Variants in NKD1 observed in about 807,000 individuals in gnomAD.
NKD1 encodes the protein protein naked cuticle homolog 1.
Under a neutral mutation model 56.0 loss-of-function variants are expected in NKD1, and 21 were observed. The ratio of observed to expected loss-of-function variants is 0.38; its 90% CI spans 0.27 to 0.54. The LOEUF (loss-of-function observed/expected upper bound fraction) is 0.54, where lower values mean the gene tolerates loss of function less well. Ranked by LOEUF, NKD1 falls within the 20% of genes least tolerant of loss-of-function variation. The pLI is 0.82. For missense variants in NKD1, 578 were observed against 642.7 expected, an observed-to-expected ratio of 0.90 and a Z score of 1.09; for synonymous variants, 263 against 265.7, an observed-to-expected ratio of 0.99 and a Z score of 0.10.
chr16:50,549,322 G>T lies in NKD1; in HGVS notation c.59-100G>T, dbSNP rs186343603. The T allele has an allele frequency of 5.3e-4, 777 of 1,463,082 alleles. 5 individuals are homozygous for T. In the African/African-American group the frequency reaches 9.2e-3, roughly 17 times the overall value. The allele number at this position is 1,463,082 out of a possible 1,614,324, so 90.6% of individuals were successfully genotyped here. On this transcript the variant is annotated intron_variant, in intron 2 of 9. Coordinates refer to ENST00000268459, the MANE Select transcript of NKD1 (RefSeq NM_033119.5). ...CGAACCCCCTCCTGGCCCCCGTGCC[G>T]TGGTCCTTCGCCTCCCACCGCGCCT...
intron 6 of NKD1, 87 bp downstream of exon 6, chr16:50,625,667 C>A: frequency 1.2e-6 from 1 of 827,530 alleles, no homozygotes; most frequent in Non-Finnish European, 2.0e-6. Flanking sequence ...CCACTTCTCT[C>A]CCCTGCATCG....
At chr16:50,614,178 G>T (rs1262056705) in intron 4 of NKD1, among the ~76,000 whole-genome samples, 1 of 152,194 alleles carries the variant, frequency 6.6e-6, no homozygotes, top group East Asian at 1.9e-4. Flanking sequence ...TGTGGTGCTG[G>T]TGCTGGTGGT....
chr16:50,629,129 CTATTTTT>C (rs1306844712), intron 6 of NKD1, among the ~76,000 whole-genome samples: 9 of 151,922 alleles, frequency 5.9e-5, no homozygotes, highest in Non-Finnish European at 1.2e-4. Flanking sequence ...CCACACATGG[CTATTTTT>C]TATTTTTTAT....
In NKD1 at chr16:50,636,055, T is replaced by C. The variant is rs1962459393; in HGVS notation, c.*2274T>C. 1 of 152,188 alleles carries C rather than the reference T, an allele frequency of 6.6e-6. No homozygotes were observed. Among genetic ancestry groups the C allele is most frequent in the South Asian group, 2.1e-4 (1 of 4,834 alleles). The allele number at this position is 152,188 out of a possible 1,614,324, so 9.4% of individuals were successfully genotyped here. A position where few individuals can be genotyped will look rare whatever the true frequency, so the allele number is the denominator to read the frequency against. On this transcript the variant is annotated 3_prime_UTR_variant, in exon 10 of 10. Coordinates refer to ENST00000268459, the MANE Select transcript of NKD1 (RefSeq NM_033119.5). ...CCCCTAACCATAAGAAAAAGGACCT[T>C]CCGTTAGTGTAAAGCCCAAGGCAGG...
chr16:50,562,980 ACCACCACCC>A (rs1387232594), intron 3 of NKD1, among the ~76,000 whole-genome samples: 912 of 56,380 alleles, frequency 0.016, 114 homozygotes, highest in African/African-American at 0.083. Flanking sequence ...GCTAGGTCCC[ACCACCACCC>A]CCCCCCCCCG....
At position 50,628,686 on chromosome 16, in the gene NKD1, AG is replaced by A. The variant is rs1962276452; in HGVS notation, c.463-1498del. Reference sequence around the variant, plus strand: ...CCCTGTTCTGGTTGAGGGGTACCTGAGGCTCGGAGAGGAGATGAGATTTGGT... The same window carrying A: ...CCCTGTTCTGGTTGAGGGGTACCTGAGCTCGGAGAGGAGATGAGATTTGGT... On this transcript the variant is annotated intron_variant, in intron 6 of 9. Coordinates refer to ENST00000268459, the MANE Select transcript of NKD1 (RefSeq NM_033119.5). Among the ~76,000 whole-genome samples, 3 of 152,298 alleles carry A rather than the reference AG, an allele frequency of 2.0e-5. No individual in the cohort carries two copies. In the South Asian group the frequency reaches 6.2e-4, roughly 32 times the overall value.
At chr16:50,607,890 C>T (rs1766703635) in intron 3 of NKD1, 1 of 192,434 alleles carries the variant, frequency 5.2e-6, no homozygotes, top group Non-Finnish European at 1.1e-5. Context: ...GCCTGTGGAC[C>T]AGCAACACTC....
intron 4 of NKD1, among the ~76,000 whole-genome samples, chr16:50,611,692 C>T (rs956765084): frequency 2.6e-5 from 4 of 152,228 alleles, no homozygotes; most frequent in African/African-American, 9.6e-5. Flanking sequence ...CATCTCTCCT[C>T]CCTTGATTCT....
At position 50,641,750 on chromosome 16, in the gene NKD1, G is replaced by A. The variant is rs1328363938; in HGVS notation, c.*7969G>A. The A allele has an allele frequency of 1.3e-5, 2 of 152,346 alleles. No homozygotes were observed. Among genetic ancestry groups the A allele is most frequent in the African/African-American group, 2.4e-5 (1 of 41,456 alleles). 9.4% of individuals were successfully genotyped at this position (152,346 alleles called of 1,614,324 possible). Reference sequence around the variant, plus strand: ...TTCAGGGCAGAGCGTTAGACAGGAGGATGGCTAAGGGAGCAGCTTCAGGCA... The same window carrying A: ...TTCAGGGCAGAGCGTTAGACAGGAGAATGGCTAAGGGAGCAGCTTCAGGCA... On this transcript the variant is annotated 3_prime_UTR_variant, in exon 10 of 10. Coordinates refer to ENST00000268459, the MANE Select transcript of NKD1 (RefSeq NM_033119.5).
intron 3 of NKD1, chr16:50,556,886 T>C (rs1960516422): frequency 6.6e-6 from 1 of 152,094 alleles, no homozygotes; most frequent in African/African-American, 2.4e-5. Flanking sequence ...ATATATATTT[T>C]TTAACTTTTA....
intron 4 of NKD1, among the ~76,000 whole-genome samples, chr16:50,609,104 C>T (rs539949891): frequency 5.3e-5 from 8 of 152,362 alleles, no homozygotes; most frequent in East Asian, 1.9e-4. Context: ...GGGTTACAGG[C>T]GTGAGCCACT....
chr16:50,572,717 A>G (rs544802897), intron 3 of NKD1, among the ~76,000 whole-genome samples: 2 of 152,142 alleles, frequency 1.3e-5, no homozygotes, highest in Admixed American at 6.5e-5. Flanking sequence ...GACCACCCCT[A>G]TGGTTCGTCT....
chr16:50,606,390 T>C (rs1252030666), intron 3 of NKD1: 4 of 229,946 alleles, frequency 1.7e-5, no homozygotes, highest in Admixed American at 1.5e-4. Context: ...CACAGTACAG[T>C]GCGTCCATGA....
rs1353170626 is a variant in NKD1 at position 50,641,622 on chromosome 16, C to A, written c.*7841C>A. Reference sequence around the variant, plus strand: ...TTTTTCCTGCGCCCGGAGCCCCTCTCAGCCTGATTTTGAGGCCTGGCTTTG... The same window carrying A: ...TTTTTCCTGCGCCCGGAGCCCCTCTAAGCCTGATTTTGAGGCCTGGCTTTG... On this transcript the variant is annotated 3_prime_UTR_variant, in exon 10 of 10. Coordinates refer to ENST00000268459, the MANE Select transcript of NKD1 (RefSeq NM_033119.5). 1 of 152,242 alleles carries A rather than the reference C, an allele frequency of 6.6e-6. No individual in the cohort carries two copies. The highest frequency in any genetic ancestry group is 1.9e-4 in the East Asian group (1 of 5,194). 9.4% of individuals were successfully genotyped at this position (152,242 alleles called of 1,614,324 possible).
intron 3 of NKD1, among the ~76,000 whole-genome samples, chr16:50,588,598 C>CTTTTTTTT (rs574622414): frequency 1.1e-4 from 10 of 94,652 alleles, no homozygotes; most frequent in Non-Finnish European, 1.9e-4. Flanking sequence ...TTTTCTTCTG[C>CTTTTTTTT]TTTTTTTTTT....
At chr16:50,571,957 C>T (rs1022969969) in intron 3 of NKD1, among the ~76,000 whole-genome samples, 1 of 152,198 alleles carries the variant, frequency 6.6e-6, no homozygotes, top group African/African-American at 2.4e-5. Flanking sequence ...CTCACTCCGT[C>T]CCAGCCGCCC....
intron 4 of NKD1, among the ~76,000 whole-genome samples, chr16:50,613,006 T>G (rs547365080): frequency 7.2e-5 from 11 of 151,990 alleles, no homozygotes; most frequent in African/African-American, 2.4e-4. Context: ...AGCTTGGGGC[T>G]GGGGAGAGGT....
chr16:50,562,392 C>T (rs1038961628), intron 3 of NKD1: 1 of 412,260 alleles, frequency 2.4e-6, no homozygotes, highest in Non-Finnish European at 3.3e-6. Context: ...TTTTGCTTTT[C>T]ATTTTGTACA....
chr16:50,621,501 G>T, intron 4 of NKD1, 101 bp from the exon 5 acceptor site: 1 of 778,714 alleles, frequency 1.3e-6, no homozygotes, highest in South Asian at 1.8e-5. Flanking sequence ...GCCCCCTGGC[G>T]AGAATGTCCA....
Sources: allele counts gnomAD v4.1 joint callset (sites outside exome capture counted in the v4.1 genomes callset), GRCh38; gene constraint gnomAD v4.1.1; transcripts MANE v1.5; gene names NCBI Gene and HGNC (gene_info 2026-07-23, HGNC 2026-07-21).